XPR1: variants seen among roughly 807,000 people sequenced by gnomAD.
XPR1 encodes solute carrier family 53 member 1.
XPR1 carries 28 observed loss-of-function variants against 87.5 expected under a neutral mutation model. That is an observed-to-expected ratio of 0.32 (90% confidence interval 0.24 to 0.44). The LOEUF is 0.44. Ranked by LOEUF, XPR1 falls within the 20% of genes least tolerant of loss-of-function variation. The pLI is 1.00. For synonymous variants in XPR1, 300 were observed against 306.1 expected, an observed-to-expected ratio of 0.98 and a Z score of 0.21; for missense variants, 559 against 862.3, an observed-to-expected ratio of 0.65 and a Z score of 4.41.
intron 2 of XPR1, among the ~76,000 whole-genome samples, chr1:180,769,027 A>C (rs1441402262): frequency 6.6e-6 from 1 of 152,202 alleles, no homozygotes; most frequent in African/African-American, 2.4e-5. Context: ...TTTGTGGAAG[A>C]ATGTTTCTCA....
At chr1:180,659,621 C>T (rs1274892618) in intron 1 of XPR1, among the ~76,000 whole-genome samples, 8 of 122,022 alleles carry the variant, frequency 6.6e-5, no homozygotes, top group African/African-American at 2.4e-4. Context: ...CGGGTTCAAG[C>T]GATTCTCCTG....
intron 2 of XPR1, among the ~76,000 whole-genome samples, chr1:180,754,871 A>G (rs1647670599): frequency 6.6e-6 from 1 of 151,978 alleles, no homozygotes; most frequent in South Asian, 2.1e-4. Flanking sequence ...CTCCCCTGTG[A>G]TAATTTAGTC....
At chr1:180,820,404 A>G (rs1031335326) in intron 7 of XPR1, among the ~76,000 whole-genome samples, 8 of 152,134 alleles carry the variant, frequency 5.3e-5, no homozygotes, top group African/African-American at 1.9e-4. Flanking sequence ...GGCTTCTTTT[A>G]GTTGGCGTAA....
intron 13 of XPR1, among the ~76,000 whole-genome samples, chr1:180,878,616 C>T (rs1652737919): frequency 6.6e-6 from 1 of 152,122 alleles, no homozygotes; most frequent in South Asian, 2.1e-4. Context: ...GTAACTCATC[C>T]AAGGTCATTA....
chr1:180,812,362 T>C (rs934106151), intron 7 of XPR1, among the ~76,000 whole-genome samples: 2 of 152,186 alleles, frequency 1.3e-5, no homozygotes, highest in Non-Finnish European at 2.9e-5. Flanking sequence ...CTCCCAAATA[T>C]ATGTTCTCTC....
chr1:180,682,401 T>G lies in XPR1; in HGVS notation c.111T>G (p.Pro37=), dbSNP rs756108055. Residue 37 remains proline, a synonymous_variant, in exon 2 of 15, where the codon CCT becomes CCG. Transcript: ENST00000367590. ...DMLYSAQDQA[P]SVEVTDEDTV... is the part of the protein sequence containing the mutation. ...TGTATTCAGCTCAGGACCAGGCACC[T>G]TCTGTGGAAGGTAAGATGAATTAAC... 10 of 1,601,940 alleles carry G rather than the reference T, an allele frequency of 6.2e-6. No homozygotes were observed. In the South Asian group the frequency reaches 1.0e-4, roughly 16 times the overall value.
chr1:180,720,688 A>G (rs1045633460), intron 2 of XPR1, among the ~76,000 whole-genome samples: 3 of 152,130 alleles, frequency 2.0e-5, no homozygotes, highest in Non-Finnish European at 2.9e-5. Flanking sequence ...TAAATCAGAA[A>G]CTTCTGGGGT....
At chr1:180,837,130 C>G (rs140811919) in intron 11 of XPR1, among the ~76,000 whole-genome samples, 3 of 152,260 alleles carry the variant, frequency 2.0e-5, no homozygotes, top group African/African-American at 7.2e-5. Flanking sequence ...AGAATTGTTT[C>G]CAGCCCATTT....
At chr1:180,675,100 C>A (rs1296213082) in intron 1 of XPR1, among the ~76,000 whole-genome samples, 2 of 152,130 alleles carry the variant, frequency 1.3e-5, no homozygotes, top group Non-Finnish European at 2.9e-5. Flanking sequence ...CAAACAGTAT[C>A]TGAGACATGT....
intron 2 of XPR1, among the ~76,000 whole-genome samples, chr1:180,734,372 A>G (rs1557980579): frequency 6.6e-6 from 1 of 152,192 alleles, no homozygotes; most frequent in Non-Finnish European, 1.5e-5. Flanking sequence ...AAATGTAACC[A>G]TTTGTGGGAA....
At chr1:180,699,253 G>A (rs1439496685) in intron 2 of XPR1, among the ~76,000 whole-genome samples, 1 of 109,678 alleles carries the variant, frequency 9.1e-6, no homozygotes, top group Non-Finnish European at 1.8e-5. Context: ...TAGGGTACAT[G>A]TGCACATTGT....
chr1:180,688,301 C>G (rs1216448912), intron 2 of XPR1, among the ~76,000 whole-genome samples: 3 of 151,432 alleles, frequency 2.0e-5, no homozygotes, highest in Non-Finnish European at 4.4e-5. Flanking sequence ...GTTGGCCAGG[C>G]TGGTCTCGAA....
At chr1:180,866,718 A>T (rs1198083423) in intron 12 of XPR1, among the ~76,000 whole-genome samples, 1 of 152,208 alleles carries the variant, frequency 6.6e-6, no homozygotes, top group East Asian at 1.9e-4. Flanking sequence ...AATCCTCATT[A>T]AATTTATCAT....
chr1:180,658,348 G>T (rs1172396265), intron 1 of XPR1, among the ~76,000 whole-genome samples: 1 of 152,172 alleles, frequency 6.6e-6, no homozygotes, highest in South Asian at 2.1e-4. Flanking sequence ...GTGAAAGTGG[G>T]CATCCTCATC....
chr1:180,831,240 G>A (rs531034504), intron 9 of XPR1, among the ~76,000 whole-genome samples: 102 of 152,196 alleles, frequency 6.7e-4, no homozygotes, highest in Middle Eastern at 3.4e-3. Context: ...AGAAATTATA[G>A]CACTTGCCTC....
intron 9 of XPR1, among the ~76,000 whole-genome samples, chr1:180,829,856 T>C (rs1650994249): frequency 6.6e-6 from 1 of 152,082 alleles, no homozygotes; most frequent in Non-Finnish European, 1.5e-5. Flanking sequence ...AGTCCTATCC[T>C]TTTTCAGTCC....
At chr1:180,872,957 AC>A (rs1652550323) in intron 12 of XPR1, among the ~76,000 whole-genome samples, 1 of 149,512 alleles carries the variant, frequency 6.7e-6, no homozygotes, top group Non-Finnish European at 1.5e-5. Flanking sequence ...TGGCCAGGGG[AC>A]TTTTTTTTTT....
chr1:180,685,447 C>G (rs900297046), intron 2 of XPR1, among the ~76,000 whole-genome samples: 1 of 152,058 alleles, frequency 6.6e-6, no homozygotes, highest in Non-Finnish European at 1.5e-5. Context: ...CTAAAATTCT[C>G]TTTTTTTGTT....
At chr1:180,793,243 T>A (rs144638434) in intron 3 of XPR1, among the ~76,000 whole-genome samples, 5 of 152,166 alleles carry the variant, frequency 3.3e-5, no homozygotes, top group African/African-American at 1.2e-4. Context: ...ATTCTTATTA[T>A]ATAGTTATTC....
Sources: allele counts gnomAD v4.1 joint callset (sites outside exome capture counted in the v4.1 genomes callset), GRCh38; gene constraint gnomAD v4.1.1; transcripts MANE v1.5; gene names NCBI Gene and HGNC (gene_info 2026-07-23, HGNC 2026-07-21).